FGGY: variants seen among roughly 807,000 people sequenced by gnomAD.
FGGY encodes the protein FGGY carbohydrate kinase domain-containing protein.
FGGY carries 72 observed loss-of-function variants against 71.3 expected under a neutral mutation model. That is an observed-to-expected ratio of 1.01 (90% CI 0.84 to 1.23). The LOEUF is 1.23. FGGY is among the 50% of genes most tolerant of loss of function. The probability of loss-of-function intolerance (pLI) is 0.00; values close to 1 mark genes in which losing one functional copy is unlikely to be tolerated. For synonymous variants in FGGY, 251 were observed against 250.3 expected (o/e 1.00, Z -0.02); for missense variants, 668 against 682.3 (o/e 0.98, Z 0.23).
chr1:59,668,112 C>T (rs1365823079), intron 13 of FGGY, among the ~76,000 whole-genome samples: 1 of 152,180 alleles, frequency 6.6e-6, no homozygotes, highest in Non-Finnish European at 1.5e-5. Flanking sequence ...AAATAATGGG[C>T]TGAGCTCTTT....
At chr1:59,580,471 T>C (rs182849854) in intron 8 of FGGY, among the ~76,000 whole-genome samples, 1 of 152,128 alleles carries the variant, frequency 6.6e-6, no homozygotes, top group African/African-American at 2.4e-5. Flanking sequence ...CAACCTCCTC[T>C]GTGACACCGC....
At chr1:59,476,136 C>T (rs1252041139) in intron 6 of FGGY, among the ~76,000 whole-genome samples, 1 of 152,186 alleles carries the variant, frequency 6.6e-6, no homozygotes, top group Non-Finnish European at 1.5e-5. Flanking sequence ...ACATGGTCTA[C>T]CTCTTTCTCT....
At chr1:59,490,712 G>T (rs183675223) in intron 6 of FGGY, among the ~76,000 whole-genome samples, 108 of 152,124 alleles carry the variant, frequency 7.1e-4, no homozygotes, top group Middle Eastern at 3.4e-3. Context: ...TAAGAGTTGG[G>T]AGTCTAACTT....
intron 6 of FGGY, among the ~76,000 whole-genome samples, chr1:59,470,369 C>T (rs2092878549): frequency 1.3e-5 from 2 of 152,128 alleles, no homozygotes; most frequent in Admixed American, 1.3e-4. Context: ...TGATGTTGAC[C>T]TTTTTTTCAT....
intron 4 of FGGY, among the ~76,000 whole-genome samples, chr1:59,369,319 C>A (rs1318337121): frequency 6.6e-6 from 1 of 152,328 alleles, no homozygotes; most frequent in Non-Finnish European, 1.5e-5. Flanking sequence ...GCTAGCACAG[C>A]AGTCTGAGAT....
At chr1:59,427,944 G>A (rs981346667) in intron 5 of FGGY, among the ~76,000 whole-genome samples, 1 of 152,168 alleles carries the variant, frequency 6.6e-6, no homozygotes, top group Non-Finnish European at 1.5e-5. Flanking sequence ...CTGGATTAAG[G>A]ACAGCAGATA....
chr1:59,562,126 T>TA (rs1403175673), intron 8 of FGGY, among the ~76,000 whole-genome samples: 1 of 152,240 alleles, frequency 6.6e-6, no homozygotes, highest in Non-Finnish European at 1.5e-5. Flanking sequence ...CTACGTGATC[T>TA]AGCCATTCCA....
intron 7 of FGGY, among the ~76,000 whole-genome samples, chr1:59,546,259 T>G (rs898654744): frequency 6.6e-6 from 1 of 152,148 alleles, no homozygotes; most frequent in Non-Finnish European, 1.5e-5. Flanking sequence ...ATAGGAAACT[T>G]AAGTGATTTG....
intron 5 of FGGY, among the ~76,000 whole-genome samples, chr1:59,391,045 A>G (rs1455569457): frequency 6.6e-6 from 1 of 152,208 alleles, no homozygotes; most frequent in Non-Finnish European, 1.5e-5. Context: ...TTGCTCTGCC[A>G]CTTTTAAGAT....
At chr1:59,692,846 C>G (rs1390427054) in intron 14 of FGGY, among the ~76,000 whole-genome samples, 1 of 152,170 alleles carries the variant, frequency 6.6e-6, no homozygotes, top group Non-Finnish European at 1.5e-5. Flanking sequence ...CTCTCCTCTC[C>G]CGCGGCTAGA....
chr1:59,546,433 G>A (rs2095521664), intron 7 of FGGY, among the ~76,000 whole-genome samples: 2 of 151,510 alleles, frequency 1.3e-5, no homozygotes, highest in South Asian at 2.1e-4. Context: ...GGGTTGGGGT[G>A]GGGAGGGGGC....
chr1:59,512,979 TAAAAC>T (rs1187039121), intron 7 of FGGY, among the ~76,000 whole-genome samples: 1 of 152,160 alleles, frequency 6.6e-6, no homozygotes, highest in Non-Finnish European at 1.5e-5. Context: ...ACAGTGAACT[TAAAAC>T]AAAACCAAAT....
chr1:59,423,051 T>C (rs1162508529), intron 5 of FGGY, among the ~76,000 whole-genome samples: 2 of 152,188 alleles, frequency 1.3e-5, no homozygotes, highest in Non-Finnish European at 2.9e-5. Flanking sequence ...AGCCTATTTC[T>C]CAATTCTTTC....
chr1:59,600,368 A>G (rs150245460), intron 8 of FGGY, among the ~76,000 whole-genome samples: 1 of 152,320 alleles, frequency 6.6e-6, no homozygotes, highest in East Asian at 1.9e-4. Flanking sequence ...AGACATGTCG[A>G]TTAGCCATCC....
chr1:59,550,410 C>T (rs552158556), intron 7 of FGGY, among the ~76,000 whole-genome samples: 16 of 150,156 alleles, frequency 1.1e-4, no homozygotes, highest in East Asian at 7.8e-4. Flanking sequence ...GTCAGCTCTC[C>T]GACTCATGTG....
intron 6 of FGGY, among the ~76,000 whole-genome samples, chr1:59,465,069 T>A (rs892256117): frequency 2.6e-5 from 4 of 152,174 alleles, no homozygotes; most frequent in Non-Finnish European, 5.9e-5. Context: ...AAAAAGAGAA[T>A]TTTAGATCAA....
chr1:59,422,941 G>A (rs1435560713), intron 5 of FGGY, among the ~76,000 whole-genome samples: 1 of 152,088 alleles, frequency 6.6e-6, no homozygotes, highest in Admixed American at 6.5e-5. Context: ...TAAAATTAAA[G>A]CCCAGAGAAG....
intron 9 of FGGY, among the ~76,000 whole-genome samples, chr1:59,613,144 G>A (rs1015973467): frequency 2.0e-5 from 3 of 152,028 alleles, no homozygotes; most frequent in Non-Finnish European, 4.4e-5. Context: ...TGCACCAAGT[G>A]GACCTAATAG....
intron 7 of FGGY, among the ~76,000 whole-genome samples, chr1:59,521,038 G>GT (rs970345617): frequency 1.4e-5 from 2 of 145,812 alleles, no homozygotes; most frequent in African/African-American, 2.5e-5. Flanking sequence ...ATTGGGGGTG[G>GT]GGGGGGATTA....
Sources: allele counts gnomAD v4.1 joint callset (sites outside exome capture counted in the v4.1 genomes callset), GRCh38; gene constraint gnomAD v4.1.1; transcripts MANE v1.5; gene names NCBI Gene and HGNC (gene_info 2026-07-23, HGNC 2026-07-21).